The following VPS53 variants were observed in gnomAD, a reference collection of about 807,000 sequenced individuals.
The protein encoded by VPS53 is vacuolar protein sorting-associated protein 53 homolog.
Under a neutral mutation model 107.0 loss-of-function variants are expected in VPS53, and 70 were observed. That is an observed-to-expected ratio of 0.65 (90% CI 0.54 to 0.80). The LOEUF is 0.80. Ranked by LOEUF, VPS53 falls within the 30% of genes least tolerant of loss-of-function variation. The pLI is 0.00. For synonymous variants in VPS53, 409 were observed against 393.3 expected, an observed-to-expected ratio of 1.04 and a Z score of -0.47; for missense variants, 917 against 1,049.4, an observed-to-expected ratio of 0.87 and a Z score of 1.74.
intron 4 of VPS53, among the ~76,000 whole-genome samples, chr17:670,857 G>A (rs1460529711): frequency 6.6e-6 from 1 of 152,166 alleles, no homozygotes; most frequent in Admixed American, 6.5e-5. Flanking sequence ...GAGAAAATTA[G>A]ATTTTTCCAC....
intron 17 of VPS53, among the ~76,000 whole-genome samples, chr17:543,604 G>T (rs1910876315): frequency 6.6e-6 from 1 of 151,476 alleles, no homozygotes; most frequent in African/African-American, 2.4e-5. Flanking sequence ...CCTACGTACA[G>T]GGGCATAACC....
intron 15 of VPS53, among the ~76,000 whole-genome samples, chr17:559,242 A>G (rs561025593): frequency 2.0e-5 from 3 of 152,308 alleles, no homozygotes; most frequent in East Asian, 3.9e-4. Context: ...CAAATTGCTA[A>G]TATGATTATT....
chr17:658,055 G>T (rs1395251409), intron 5 of VPS53, among the ~76,000 whole-genome samples: 15 of 26,214 alleles, frequency 5.7e-4, no homozygotes, highest in South Asian at 2.3e-3. Flanking sequence ...AACTCGGCAG[G>T]GAGTTCGTGG....
At chr17:552,829 C>T (rs1480655254) in intron 16 of VPS53, 1 of 350,444 alleles carries the variant, frequency 2.9e-6, no homozygotes, top group African/African-American at 2.1e-5. Context: ...ACAGAAACCT[C>T]TTAGGTTCTG....
At chr17:697,168 G>A (rs559392527) in intron 4 of VPS53, among the ~76,000 whole-genome samples, 1 of 152,210 alleles carries the variant, frequency 6.6e-6, no homozygotes, top group African/African-American at 2.4e-5. Flanking sequence ...CGACACGAAG[G>A]AGAAAGACAA....
chr17:584,466 T>C lies in VPS53; in HGVS notation c.1313+1804A>G, dbSNP rs368011146. 3.9e-5 allele frequency among the ~76,000 whole-genome samples: 6 copies of C among 152,224 alleles called. No homozygotes were observed. In the East Asian group the frequency reaches 9.6e-4, roughly 24 times the overall value. On this transcript the variant is annotated intron_variant, in intron 13 of 21. Transcript: ENST00000437048. ...GGGAAGAAACCTGGCCGCAGTGAGA[T>C]GCTTTATAAAAATATTTGGAGGCTA...
At chr17:607,324 G>A (rs1343629275) in intron 11 of VPS53, among the ~76,000 whole-genome samples, 1 of 152,156 alleles carries the variant, frequency 6.6e-6, no homozygotes, top group African/African-American at 2.4e-5. Context: ...CACTTTCTAA[G>A]TGGAAAGGCA....
At chr17:681,894 C>G (rs1845390099) in intron 4 of VPS53, among the ~76,000 whole-genome samples, 1 of 152,100 alleles carries the variant, frequency 6.6e-6, no homozygotes. Context: ...GAGGGCAGAC[C>G]CCTTGTGACT....
At chr17:619,413 A>T (rs1241015723) in intron 11 of VPS53, among the ~76,000 whole-genome samples, 1 of 143,034 alleles carries the variant, frequency 7.0e-6, no homozygotes, top group Non-Finnish European at 1.5e-5. Context: ...CTGGGACTAC[A>T]GGCGTGCACC....
At chr17:595,516 A>G (rs71355278) in intron 12 of VPS53, among the ~76,000 whole-genome samples, 632 of 16,982 alleles carry the variant, frequency 0.037, 20 homozygotes, top group Non-Finnish European at 0.048. Context: ...CAATTTCCTG[A>G]TTTGATGATG....
chr17:655,745 C>T (rs1173331591), intron 6 of VPS53, 93 bp downstream of exon 6: 1 of 1,218,098 alleles, frequency 8.2e-7, no homozygotes, highest in African/African-American at 1.5e-5. Context: ...GATGGTGAGA[C>T]TTTCCTGGCT....
Position 680,413 on chromosome 17 carries a change from T to C in VPS53, c.285+17005A>G, listed in dbSNP as rs76464332. Among the ~76,000 whole-genome samples the C allele has an allele frequency of 2.2e-3, 337 of 152,012 alleles. 9 individuals carry two copies. The East Asian group carries it at 0.055, about 25-fold the overall frequency. ...CATGAATCAAAATCCCAGATAAAAATACTAGGATTCAACAATATATTTAAA... is the reference window on the plus strand; with the variant it reads ...CATGAATCAAAATCCCAGATAAAAACACTAGGATTCAACAATATATTTAAA... On this transcript the variant is annotated intron_variant, in intron 4 of 21. Coordinates refer to ENST00000437048, the MANE Select transcript of VPS53 (RefSeq NM_001128159.3).
intron 4 of VPS53, among the ~76,000 whole-genome samples, chr17:696,497 G>A (rs1972966856): frequency 6.6e-6 from 1 of 152,198 alleles, no homozygotes; most frequent in Non-Finnish European, 1.5e-5. Flanking sequence ...CCTGACCTGA[G>A]TTAGTGCTGA....
At chr17:699,472 G>A in intron 2 of VPS53, 92 bp from the exon 3 acceptor site, 2 of 1,030,124 alleles carry the variant, frequency 1.9e-6, no homozygotes, top group South Asian at 2.8e-5. Flanking sequence ...AGCTACTTAT[G>A]AAATCTCAAA....
intron 12 of VPS53, among the ~76,000 whole-genome samples, chr17:596,610 T>A (rs1002884232): frequency 6.6e-5 from 10 of 152,202 alleles, no homozygotes; most frequent in African/African-American, 2.4e-4. Context: ...AAGAGAGGAA[T>A]AATGGGAGAG....
At chr17:530,745 G>A (rs948990239) in intron 19 of VPS53, among the ~76,000 whole-genome samples, 1 of 152,276 alleles carries the variant, frequency 6.6e-6, no homozygotes, top group Non-Finnish European at 1.5e-5. Flanking sequence ...TGCAAAACAG[G>A]ATGATCTGAA....
intron 12 of VPS53, among the ~76,000 whole-genome samples, chr17:594,077 C>T (rs965356575): frequency 6.6e-6 from 1 of 151,854 alleles, no homozygotes; most frequent in Non-Finnish European, 1.5e-5. Context: ...CCAAACACCG[C>T]ATATTCTCAC....
chr17:530,603 T>C (rs1223317789), intron 19 of VPS53, among the ~76,000 whole-genome samples: 2 of 152,230 alleles, frequency 1.3e-5, no homozygotes, highest in East Asian at 3.8e-4. Context: ...TTTTGCCTTG[T>C]TGTCCTAGCC....
At position 519,376 on chromosome 17, in the gene VPS53, A is replaced by G. The variant is rs1212026226; in HGVS notation, c.2329-78T>C. On this transcript the variant is annotated intron_variant, in intron 21 of 21. Transcript: ENST00000437048. The surrounding 1 kb of genome is among the most constrained non-coding windows in gnomAD (Gnocchi z 5.0). ...ACGGGGGACAGCGCAGTATCTGGAT[A>G]TGGGGTCAGCAGAGGCTCTGGAGAC... is the stretch of plus-strand genomic sequence containing the variant. 3 of 1,377,034 alleles carry G rather than the reference A, an allele frequency of 2.2e-6. No individual in the cohort carries two copies. The highest frequency in any genetic ancestry group is 2.9e-5 in the African/African-American group (2 of 68,356). 85.3% of individuals were successfully genotyped at this position (1,377,034 alleles called of 1,614,324 possible).
Sources: allele counts gnomAD v4.1 joint callset (sites outside exome capture counted in the v4.1 genomes callset), GRCh38; gene constraint gnomAD v4.1.1; non-coding constraint Gnocchi (gnomAD v3.1); transcripts MANE v1.5; gene names NCBI Gene and HGNC (gene_info 2026-07-23, HGNC 2026-07-21).